The following GPC5 variants were observed in gnomAD, a reference collection of about 807,000 sequenced individuals.
The protein encoded by GPC5 is glypican 5, also known as glypican-5.
A neutral mutation model predicts 53.9 loss-of-function variants in GPC5; 47 were observed. That is an observed-to-expected ratio of 0.87 (90% CI 0.69 to 1.11). The LOEUF is 1.11. Ranked by LOEUF, GPC5 falls within the 50% of genes most tolerant of loss-of-function variation. The pLI is 0.00. For missense variants in GPC5, 748 were observed against 713.1 expected (o/e 1.05, Z -0.56); for synonymous variants, 286 against 263.3 (o/e 1.09, Z -0.84).
intron 2 of GPC5, among the ~76,000 whole-genome samples, chr13:91,684,150 C>T (rs1281459842): frequency 6.6e-6 from 1 of 152,076 alleles, no homozygotes; most frequent in African/African-American, 2.4e-5. Flanking sequence ...TCACTGGCTT[C>T]TTATTCTAAT....
intron 7 of GPC5, among the ~76,000 whole-genome samples, chr13:92,184,336 CAGG>C (rs2042168083): frequency 6.6e-6 from 1 of 152,146 alleles, no homozygotes; most frequent in Admixed American, 6.5e-5. Flanking sequence ...TCTCCAGAGT[CAGG>C]AGAGCACACA....
intron 7 of GPC5, among the ~76,000 whole-genome samples, chr13:92,663,901 T>TATATATAC (rs1886477395): frequency 2.8e-5 from 1 of 35,240 alleles, no homozygotes; most frequent in South Asian, 1.2e-3. Context: ...TATATATATA[T>TATATATAC]ATACACACAC....
At chr13:92,502,007 G>A (rs969722549) in intron 7 of GPC5, among the ~76,000 whole-genome samples, 17 of 151,988 alleles carry the variant, frequency 1.1e-4, no homozygotes, top group Admixed American at 3.9e-4. Context: ...TATCACAAAC[G>A]AAAGAAGAGC....
chr13:91,939,280 G>T (rs1287615000), intron 6 of GPC5, among the ~76,000 whole-genome samples: 2 of 152,034 alleles, frequency 1.3e-5, no homozygotes, highest in Non-Finnish European at 2.9e-5. Flanking sequence ...AGAAATCATA[G>T]AATTTATGAA....
chr13:92,331,357 T>A (rs2043286730), intron 7 of GPC5, among the ~76,000 whole-genome samples: 1 of 152,318 alleles, frequency 6.6e-6, no homozygotes, highest in Non-Finnish European at 1.5e-5. Flanking sequence ...TTTCCTCTCA[T>A]CTGGGTCTTC....
At chr13:92,204,764 G>A (rs986913191) in intron 7 of GPC5, among the ~76,000 whole-genome samples, 11 of 152,160 alleles carry the variant, frequency 7.2e-5, no homozygotes, top group African/African-American at 2.7e-4. Flanking sequence ...ACCCTTTTCA[G>A]AACACATTAC....
At chr13:91,514,416 A>T (rs1885389536) in intron 2 of GPC5, among the ~76,000 whole-genome samples, 1 of 152,126 alleles carries the variant, frequency 6.6e-6, no homozygotes, top group Non-Finnish European at 1.5e-5. Context: ...ATATTCTTAT[A>T]TGCTTATTTA....
At chr13:92,101,334 G>T (rs1034359696) in intron 6 of GPC5, among the ~76,000 whole-genome samples, 4 of 152,078 alleles carry the variant, frequency 2.6e-5, no homozygotes, top group African/African-American at 7.2e-5. Context: ...CCAATGAAAG[G>T]TGACTAATAC....
chr13:91,978,592 A>G (rs902208654), intron 6 of GPC5, among the ~76,000 whole-genome samples: 9 of 152,198 alleles, frequency 5.9e-5, no homozygotes, highest in Non-Finnish European at 8.8e-5. Flanking sequence ...ATTTGTTACC[A>G]TGAGACACAC....
chr13:92,254,646 TCA>T (rs1440621100), intron 7 of GPC5, among the ~76,000 whole-genome samples: 1 of 152,146 alleles, frequency 6.6e-6, no homozygotes, highest in Non-Finnish European at 1.5e-5. Flanking sequence ...TTTAATTGAC[TCA>T]CAGTTCCACA....
At chr13:91,458,200 C>T (rs1046037495) in intron 2 of GPC5, among the ~76,000 whole-genome samples, 2 of 151,930 alleles carry the variant, frequency 1.3e-5, no homozygotes, top group Admixed American at 6.6e-5. Context: ...TAGAGGTGGG[C>T]CTCAGCTGTC....
chr13:92,648,842 G>A (rs1885856422), intron 7 of GPC5, among the ~76,000 whole-genome samples: 1 of 152,096 alleles, frequency 6.6e-6, no homozygotes, highest in Non-Finnish European at 1.5e-5. Flanking sequence ...AGTTAACTGA[G>A]TGGCTCCCAA....
At chr13:92,764,066 G>C (rs1004617060) in intron 7 of GPC5, among the ~76,000 whole-genome samples, 3 of 152,160 alleles carry the variant, frequency 2.0e-5, no homozygotes, top group African/African-American at 7.2e-5. Flanking sequence ...CAGGTCCTCA[G>C]AGTACCATGT....
intron 2 of GPC5, among the ~76,000 whole-genome samples, chr13:91,660,671 T>C (rs16946441): frequency 0.091 from 13,839 of 152,234 alleles, 2,070 homozygotes; most frequent in African/African-American, 0.31. Flanking sequence ...CTTTTGTTAA[T>C]CAGATCACCA....
chr13:91,805,053 A>T (rs1246314149), intron 5 of GPC5, among the ~76,000 whole-genome samples: 1 of 152,206 alleles, frequency 6.6e-6, no homozygotes, highest in Non-Finnish European at 1.5e-5. Flanking sequence ...GCAGAACATA[A>T]CCTTCACACA....
intron 6 of GPC5, among the ~76,000 whole-genome samples, chr13:92,118,165 A>G (rs2041615883): frequency 6.6e-6 from 1 of 152,094 alleles, no homozygotes. Context: ...AGTTTTTATA[A>G]AGAATAGATG....
At chr13:91,712,389 T>C (rs2036246134) in intron 3 of GPC5, among the ~76,000 whole-genome samples, 1 of 150,206 alleles carries the variant, frequency 6.7e-6, no homozygotes, top group Non-Finnish European at 1.5e-5. Flanking sequence ...TGTATATATA[T>C]GTGTGTGTGT....
chr13:91,788,524 AT>A (rs2037913397), intron 5 of GPC5, among the ~76,000 whole-genome samples: 1 of 152,216 alleles, frequency 6.6e-6, no homozygotes, highest in Non-Finnish European at 1.5e-5. Flanking sequence ...TTCATCTGCC[AT>A]TTTGGTAACT....
chr13:92,263,101 T>C (rs897280647), intron 7 of GPC5, among the ~76,000 whole-genome samples: 1 of 152,132 alleles, frequency 6.6e-6, no homozygotes, highest in Non-Finnish European at 1.5e-5. Context: ...CTCTTCATTG[T>C]ACAGAAAAAT....
Sources: gnomAD v4.1 joint callset for allele counts (sites outside exome capture counted in the v4.1 genomes callset) on GRCh38, gnomAD v4.1.1 for gene constraint, MANE v1.5 for transcripts, NCBI Gene and HGNC (gene_info 2026-07-23, HGNC 2026-07-21) for gene names.